Variants in NBAS observed in about 807,000 individuals in gnomAD.
NBAS encodes NAG/BC035112 fusion.
NBAS carries 219 observed loss-of-function variants against 302.5 expected under a neutral mutation model. The ratio of observed to expected loss-of-function variants is 0.72; its 90% CI spans 0.65 to 0.81. NBAS has a LOEUF of 0.81. NBAS is among the 30% of genes least tolerant of loss of function. The pLI, the probability that NBAS is intolerant of heterozygous loss-of-function variation, is 0.00. For synonymous variants in NBAS, 1,118 were observed against 1,021.6 expected, an observed-to-expected ratio of 1.09 and a Z score of -1.80; for missense variants, 2,932 against 2,841.6, an observed-to-expected ratio of 1.03 and a Z score of -0.72.
chr2:15,331,938 G>A (rs907965492), intron 35 of NBAS, among the ~76,000 whole-genome samples: 3 of 152,186 alleles, frequency 2.0e-5, no homozygotes, highest in African/African-American at 7.2e-5. Context: ...TAAAGCAGAG[G>A]ATATTTCTCA....
chr2:14,845,882 T>C, the NBAS span, among the ~76,000 whole-genome samples: 1 of 150,674 alleles, frequency 6.6e-6, no homozygotes, highest in Non-Finnish European at 1.5e-5. Context: ...GAAAAAAGAA[T>C]AAAAAACAAA....
chr2:15,145,725 A>G, the NBAS span, among the ~76,000 whole-genome samples: 2 of 152,122 alleles, frequency 1.3e-5, no homozygotes, highest in Admixed American at 1.3e-4. Context: ...GAGCTTCTCA[A>G]AATGAGGTAC....
intron 36 of NBAS, among the ~76,000 whole-genome samples, chr2:15,329,167 A>G (rs1672207000): frequency 6.6e-6 from 1 of 152,180 alleles, no homozygotes; most frequent in Non-Finnish European, 1.5e-5. Flanking sequence ...GAATTCACCC[A>G]TTCCTCCAAG....
chr2:15,275,655 T>A lies in NBAS; in HGVS notation c.5553A>T (p.Leu1851Phe), dbSNP rs1424297619. ...GGTCTCCAGTCCAGAACAACTTCTG[T>A]AACCAGATGGTGTACAGAGAGCTTG... ...LSPSSLYTIW[L>F]QKLFWTGDPH... is the part of the protein sequence containing the mutation. Residue 1851 changes from leucine (L) to phenylalanine (F), a missense_variant, in exon 44 of 52, where the codon TTA (leucine) becomes TTT (phenylalanine). Transcript: ENST00000281513. 1 of 1,614,206 alleles carries A rather than the reference T, an allele frequency of 6.2e-7. No individual in the cohort carries two copies. Among genetic ancestry groups the A allele is most frequent in the Non-Finnish European group, 8.5e-7 (1 of 1,180,038 alleles).
At chr2:14,846,549 C>T in the NBAS span, among the ~76,000 whole-genome samples, 2 of 151,176 alleles carry the variant, frequency 1.3e-5, no homozygotes, top group Admixed American at 1.3e-4. Context: ...AAAACTGTAG[C>T]TGTGGTATGT....
At chr2:15,058,920 T>G in the NBAS span, among the ~76,000 whole-genome samples, 1 of 152,214 alleles carries the variant, frequency 6.6e-6, no homozygotes, top group Non-Finnish European at 1.5e-5. Context: ...CTGACCTTCT[T>G]GCTCTTTAAA....
At chr2:15,220,007 C>G (rs1341456322) in intron 47 of NBAS, among the ~76,000 whole-genome samples, 2 of 146,778 alleles carry the variant, frequency 1.4e-5, no homozygotes, top group African/African-American at 2.5e-5. Context: ...ACCTCCCGGA[C>G]GGGGCGGCTG....
At chr2:15,142,365 C>T in the NBAS span, among the ~76,000 whole-genome samples, 2 of 152,180 alleles carry the variant, frequency 1.3e-5, no homozygotes, top group African/African-American at 4.8e-5. Flanking sequence ...ATGTCACATC[C>T]GGGAGGAGGC....
the NBAS span, among the ~76,000 whole-genome samples, chr2:14,928,191 A>C: frequency 0.36 from 54,316 of 151,968 alleles, 9,902 homozygotes; most frequent in African/African-American, 0.44. Context: ...TTTTCTTCTG[A>C]TTTGAAAATC....
chr2:14,947,677 A>C, the NBAS span, among the ~76,000 whole-genome samples: 1 of 152,078 alleles, frequency 6.6e-6, no homozygotes, highest in African/African-American at 2.4e-5. Flanking sequence ...TGTTGAACAC[A>C]AGTTGTAGAA....
the NBAS span, among the ~76,000 whole-genome samples, chr2:15,055,678 G>A: frequency 5.1e-4 from 77 of 152,258 alleles, no homozygotes; most frequent in African/African-American, 1.8e-3. Flanking sequence ...GTGTGTGCAC[G>A]GTCTATGGCA....
the NBAS span, among the ~76,000 whole-genome samples, chr2:14,857,934 A>T: frequency 2.0e-5 from 3 of 152,266 alleles, no homozygotes; most frequent in Admixed American, 6.5e-5. Flanking sequence ...CTGACAGGGG[A>T]TTAATAACTA....
the NBAS span, among the ~76,000 whole-genome samples, chr2:14,909,055 G>A: frequency 4.6e-5 from 7 of 152,070 alleles, no homozygotes; most frequent in African/African-American, 7.2e-5. Context: ...ACCACTGGCC[G>A]GGCGCGGTGG....
At chr2:15,107,353 G>A in the NBAS span, among the ~76,000 whole-genome samples, 1 of 152,080 alleles carries the variant, frequency 6.6e-6, no homozygotes, top group South Asian at 2.1e-4. Context: ...CCTGGATCAT[G>A]GGCTTCCAGC....
intron 45 of NBAS, among the ~76,000 whole-genome samples, chr2:15,236,527 CAAAAAAAA>C (rs1167993098): frequency 1.4e-4 from 4 of 28,304 alleles, no homozygotes; most frequent in East Asian, 1.1e-3. Flanking sequence ...GACCCTGTCT[CAAAAAAAA>C]AAAAAAAAAA....
chr2:14,989,735 G>A, the NBAS span, among the ~76,000 whole-genome samples: 2 of 152,074 alleles, frequency 1.3e-5, no homozygotes, highest in Non-Finnish European at 2.9e-5. Flanking sequence ...CATCACTGCA[G>A]CATCAATTGA....
intron 21 of NBAS, among the ~76,000 whole-genome samples, chr2:15,434,723 C>CTA (rs1677926721): frequency 1.3e-5 from 2 of 152,018 alleles, no homozygotes; most frequent in Admixed American, 1.3e-4. Flanking sequence ...ATCAACTAAC[C>CTA]TATAGGTTCG....
chr2:15,201,477 T>C (rs1031649512), intron 48 of NBAS, among the ~76,000 whole-genome samples: 7 of 152,188 alleles, frequency 4.6e-5, no homozygotes, highest in African/African-American at 9.7e-5. Flanking sequence ...CCAAAACCAG[T>C]CATAAGCTGT....
chr2:14,779,905 T>C, the NBAS span, among the ~76,000 whole-genome samples: 1 of 152,234 alleles, frequency 6.6e-6, no homozygotes. Flanking sequence ...TGAAGTTTTC[T>C]TGTTTGTTAT....
Sources: gnomAD v4.1 joint callset for allele counts (sites outside exome capture counted in the v4.1 genomes callset) on GRCh38, gnomAD v4.1.1 for gene constraint, MANE v1.5 for transcripts, NCBI Gene and HGNC (gene_info 2026-07-23, HGNC 2026-07-21) for gene names.